The following WDR7 variants were observed in gnomAD, a reference collection of about 807,000 sequenced individuals.
WDR7 encodes WD repeat-containing protein 7.
Under a neutral mutation model 169.4 loss-of-function variants are expected in WDR7, and 46 were observed. That is an observed-to-expected ratio of 0.27 (90% CI 0.21 to 0.35). WDR7 has a LOEUF of 0.35. WDR7 is among the 10% of genes least tolerant of loss of function. The pLI is 1.00. For synonymous variants in WDR7, 612 were observed against 666.8 expected (o/e 0.92, Z 1.27); for missense variants, 1,534 against 1,859.3 (o/e 0.83, Z 3.22).
intron 26 of WDR7, 32 bp from the exon 27 acceptor site, chr18:57,020,713 T>C (rs2048277015): frequency 6.3e-7 from 1 of 1,599,726 alleles, no homozygotes; most frequent in Non-Finnish European, 8.6e-7. Context: ...TGTGAAATGC[T>C]TATCATTCAT....
intron 1 of WDR7, among the ~76,000 whole-genome samples, chr18:56,666,893 A>ATTTT (rs5825197): frequency 1.4e-5 from 2 of 143,742 alleles, no homozygotes; most frequent in African/African-American, 5.1e-5. Context: ...AAACCAGGCT[A>ATTTT]TTTTTTTTTT....
intron 20 of WDR7, among the ~76,000 whole-genome samples, chr18:56,836,159 A>G (rs188134186): frequency 6.1e-4 from 93 of 152,238 alleles, no homozygotes; most frequent in Non-Finnish European, 1.1e-3. Context: ...TTACACAGAT[A>G]TTTTCTTATT....
At chr18:56,996,747 A>G (rs1462979192) in intron 26 of WDR7, among the ~76,000 whole-genome samples, 1 of 152,172 alleles carries the variant, frequency 6.6e-6, no homozygotes, top group African/African-American at 2.4e-5. Context: ...TCAGCTTTCA[A>G]TCAGTACAAA....
At position 56,883,876 on chromosome 18, in the gene WDR7, G is replaced by A. The variant is rs2118197; in HGVS notation, c.3526+3711G>A. Among the ~76,000 whole-genome samples the A allele has an allele frequency of 3.2e-4, 49 of 152,214 alleles. 1 individual carries two copies. In the East Asian group the frequency reaches 7.9e-3, roughly 25 times the overall value. ...TTATGGCTGAGTAGTACTCCATGGT[G>A]TGTATATATACCACAATTTCTTTAT... On this transcript the variant is annotated intron_variant, in intron 21 of 27. Coordinates refer to ENST00000254442, the MANE Select transcript of WDR7 (RefSeq NM_015285.3).
intron 20 of WDR7, among the ~76,000 whole-genome samples, chr18:56,851,757 A>C (rs1258597065): frequency 2.0e-5 from 3 of 152,198 alleles, no homozygotes; most frequent in African/African-American, 4.8e-5. Flanking sequence ...TTCTTCAATA[A>C]CTTGAAGAAT....
chr18:56,969,888 G>T (rs139871220), intron 26 of WDR7, among the ~76,000 whole-genome samples: 1,546 of 152,154 alleles, frequency 0.01, 14 homozygotes, highest in Middle Eastern at 0.014. Context: ...TTTCTTACTA[G>T]AGAAGGCAGT....
At chr18:56,931,039 T>G (rs1450022939) in intron 22 of WDR7, among the ~76,000 whole-genome samples, 1 of 152,218 alleles carries the variant, frequency 6.6e-6, no homozygotes, top group Non-Finnish European at 1.5e-5. Context: ...ATTCATATTT[T>G]TATTTAAAAT....
intron 27 of WDR7, among the ~76,000 whole-genome samples, chr18:57,026,760 A>G (rs1261055590): frequency 1.3e-5 from 2 of 152,316 alleles, no homozygotes; most frequent in East Asian, 1.9e-4. Flanking sequence ...CTAAAGATCC[A>G]TGGACTCTCC....
At chr18:56,966,940 T>A (rs1043878307) in intron 26 of WDR7, among the ~76,000 whole-genome samples, 1 of 152,078 alleles carries the variant, frequency 6.6e-6, no homozygotes, top group African/African-American at 2.4e-5. Flanking sequence ...GATGAAGGTT[T>A]TGGTCAAAGG....
At chr18:56,991,235 C>T (rs1246160939) in intron 26 of WDR7, among the ~76,000 whole-genome samples, 1 of 151,126 alleles carries the variant, frequency 6.6e-6, no homozygotes, top group Non-Finnish European at 1.5e-5. Flanking sequence ...CAAGCTCCGC[C>T]TCCTGGGTTC....
chr18:56,854,868 G>C (rs2045695255), intron 20 of WDR7, among the ~76,000 whole-genome samples: 1 of 152,124 alleles, frequency 6.6e-6, no homozygotes. Context: ...GTTTTCTGAG[G>C]GCTGCTTCTG....
chr18:56,789,530 T>C (rs1032684396), intron 19 of WDR7, among the ~76,000 whole-genome samples: 1 of 152,072 alleles, frequency 6.6e-6, no homozygotes, highest in Non-Finnish European at 1.5e-5. Context: ...AAGCAAGGAG[T>C]GAAGCATGTG....
Position 56,779,193 on chromosome 18 carries a change from T to C in WDR7, c.2948-238T>C, listed in dbSNP as rs141647176. ...ATTTGGATATACTTCCAGTGGAAAT[T>C]TATTTTTATTTCTTTTAAGATGTTG... On this transcript the variant is annotated intron_variant, in intron 17 of 27. Coordinates refer to ENST00000254442, the MANE Select transcript of WDR7 (RefSeq NM_015285.3). Among the ~76,000 whole-genome samples the C allele has an allele frequency of 6.6e-5, 10 of 152,310 alleles. No homozygotes were observed. The East Asian group carries it at 1.9e-3, about 29-fold the overall frequency.
intron 21 of WDR7, among the ~76,000 whole-genome samples, chr18:56,910,689 A>G (rs531510098): frequency 1.3e-5 from 2 of 152,212 alleles, no homozygotes; most frequent in Non-Finnish European, 1.5e-5. Flanking sequence ...GTAAACATAT[A>G]GATTTCAGAA....
At chr18:56,975,586 A>C (rs138196681) in intron 26 of WDR7, among the ~76,000 whole-genome samples, 250 of 152,246 alleles carry the variant, frequency 1.6e-3, no homozygotes, top group African/African-American at 5.7e-3. Context: ...AGGTGGCATA[A>C]ATTAATAAAA....
intron 26 of WDR7, among the ~76,000 whole-genome samples, chr18:56,972,371 G>T (rs190963777): frequency 6.6e-6 from 1 of 152,236 alleles, no homozygotes; most frequent in Admixed American, 6.5e-5. Flanking sequence ...TTTGAGCTTC[G>T]GGCACAGTTT....
intron 20 of WDR7, among the ~76,000 whole-genome samples, chr18:56,854,891 T>C (rs2045695378): frequency 1.3e-5 from 2 of 152,220 alleles, no homozygotes; most frequent in African/African-American, 2.4e-5. Context: ...GCCTAAAGTA[T>C]TCCAACATAA....
chr18:56,991,447 A>G (rs1334923820), intron 26 of WDR7, among the ~76,000 whole-genome samples: 1 of 152,114 alleles, frequency 6.6e-6, no homozygotes, highest in Non-Finnish European at 1.5e-5. Flanking sequence ...GCCCGGCCTC[A>G]TTTTTTAAAT....
At chr18:57,019,981 A>G (rs757316081) in intron 26 of WDR7, among the ~76,000 whole-genome samples, 5 of 152,246 alleles carry the variant, frequency 3.3e-5, no homozygotes, top group Admixed American at 6.5e-5. Flanking sequence ...TTAGTATCCA[A>G]TGTCTTCTGT....
Sources: gnomAD v4.1 joint callset for allele counts (sites outside exome capture counted in the v4.1 genomes callset) on GRCh38, gnomAD v4.1.1 for gene constraint, MANE v1.5 for transcripts, NCBI Gene and HGNC (gene_info 2026-07-23, HGNC 2026-07-21) for gene names.